The following RBFOX1 variants were observed in gnomAD, a reference collection of about 807,000 sequenced individuals.
The protein encoded by RBFOX1 is RNA binding fox-1 homolog 1.
In RBFOX1, 8 loss-of-function variants were observed where a neutral mutation model predicts 57.7. The ratio of observed to expected loss-of-function variants is 0.14; its 90% confidence interval spans 0.08 to 0.25. The LOEUF (loss-of-function observed/expected upper bound fraction) is 0.25. Ranked by LOEUF, RBFOX1 falls within the 10% of genes least tolerant of loss-of-function variation. The probability of loss-of-function intolerance (pLI) is 1.00; values close to 1 mark genes in which losing one functional copy is unlikely to be tolerated. For synonymous variants in RBFOX1, 326 were observed against 222.4 expected (o/e 1.47, Z -4.15); for missense variants, 611 against 548.5 (o/e 1.11, Z -1.14).
At chr16:5,721,843 G>T (rs1596962263) in intron 3 of RBFOX1, among the ~76,000 whole-genome samples, 1 of 152,208 alleles carries the variant, frequency 6.6e-6, no homozygotes, top group Admixed American at 6.5e-5. Flanking sequence ...GAGAATCTCA[G>T]TGCTAAACCG....
intron 3 of RBFOX1, among the ~76,000 whole-genome samples, chr16:6,948,916 G>C (rs946284877): frequency 2.0e-5 from 3 of 152,264 alleles, no homozygotes; most frequent in Admixed American, 6.5e-5. Flanking sequence ...ATGAGGAAGG[G>C]AGAGTGGGTT....
chr16:6,602,897 C>G (rs1352570453), intron 2 of RBFOX1, among the ~76,000 whole-genome samples: 1 of 152,194 alleles, frequency 6.6e-6, no homozygotes, highest in African/African-American at 2.4e-5. Flanking sequence ...GCTTAAGACT[C>G]TTTCCCAAAT....
At chr16:7,093,172 A>G (rs569433736) in intron 4 of RBFOX1, among the ~76,000 whole-genome samples, 2 of 152,330 alleles carry the variant, frequency 1.3e-5, no homozygotes, top group South Asian at 2.1e-4. Flanking sequence ...TTGACCTGGC[A>G]AGTTCATTCA....
chr16:6,798,414 C>G (rs1411239884), intron 3 of RBFOX1, among the ~76,000 whole-genome samples: 3 of 152,096 alleles, frequency 2.0e-5, no homozygotes, highest in African/African-American at 4.8e-5. Context: ...ACCAGGTGGT[C>G]CTGCTTAATA....
chr16:7,565,806 A>G (rs949430301), intron 5 of RBFOX1, among the ~76,000 whole-genome samples: 1 of 152,098 alleles, frequency 6.6e-6, no homozygotes, highest in Admixed American at 6.6e-5. Flanking sequence ...AGTTTTGTGC[A>G]TGGAGGGGAG....
intron 1 of RBFOX1, among the ~76,000 whole-genome samples, chr16:5,257,379 C>T (rs181416010): frequency 6.6e-6 from 1 of 152,308 alleles, no homozygotes; most frequent in Admixed American, 6.5e-5. Flanking sequence ...GTTTACCTCT[C>T]TGAGCTTCTG....
intron 2 of RBFOX1, among the ~76,000 whole-genome samples, chr16:6,438,992 G>A (rs914779490): frequency 2.0e-5 from 3 of 152,094 alleles, no homozygotes; most frequent in Non-Finnish European, 4.4e-5. Flanking sequence ...TTGAAGTTCT[G>A]CACCCTTAGA....
At chr16:5,637,534 A>G (rs1223100353) in intron 3 of RBFOX1, among the ~76,000 whole-genome samples, 1 of 152,230 alleles carries the variant, frequency 6.6e-6, no homozygotes, top group African/African-American at 2.4e-5. Flanking sequence ...CACCTAGACT[A>G]TTGAACACCT....
intron 1 of RBFOX1, among the ~76,000 whole-genome samples, chr16:6,034,381 T>C (rs1212550784): frequency 1.1e-5 from 1 of 91,384 alleles, no homozygotes; most frequent in Admixed American, 1.1e-4. Context: ...AAGAAAGGAA[T>C]AGAAGAGAAG....
At chr16:5,635,251 A>T (rs982645049) in intron 3 of RBFOX1, among the ~76,000 whole-genome samples, 1 of 152,194 alleles carries the variant, frequency 6.6e-6, no homozygotes, top group African/African-American at 2.4e-5. Flanking sequence ...CATTCTATTG[A>T]CCTCACTGAA....
At chr16:7,032,872 T>A (rs1017863269) in intron 3 of RBFOX1, among the ~76,000 whole-genome samples, 3 of 152,190 alleles carry the variant, frequency 2.0e-5, no homozygotes, top group Admixed American at 6.6e-5. Context: ...ACTTCCAGAT[T>A]CTCAAATTTC....
chr16:7,220,340 C>A (rs976288388), intron 4 of RBFOX1, among the ~76,000 whole-genome samples: 3 of 152,136 alleles, frequency 2.0e-5, no homozygotes, highest in African/African-American at 7.2e-5. Flanking sequence ...AACTTGGTGT[C>A]ATTCATGCAA....
chr16:6,670,794 G>A (rs1050008791), intron 3 of RBFOX1, among the ~76,000 whole-genome samples: 2 of 151,956 alleles, frequency 1.3e-5, no homozygotes, highest in African/African-American at 2.4e-5. Flanking sequence ...TCAGGAGATC[G>A]AGACCATCCT....
chr16:5,842,601 C>T (rs757600747), intron 3 of RBFOX1, among the ~76,000 whole-genome samples: 1 of 152,140 alleles, frequency 6.6e-6, no homozygotes, highest in South Asian at 2.1e-4. Flanking sequence ...ATGTCTGGCT[C>T]TGCTCTAGGT....
chr16:7,281,278 C>A (rs552631088), intron 4 of RBFOX1, among the ~76,000 whole-genome samples: 1 of 151,854 alleles, frequency 6.6e-6, no homozygotes, highest in East Asian at 2.0e-4. Context: ...GTTGGGACTA[C>A]AGGCGTGAGC....
At chr16:6,795,541 G>A (rs1056538039) in intron 3 of RBFOX1, among the ~76,000 whole-genome samples, 1 of 152,078 alleles carries the variant, frequency 6.6e-6, no homozygotes, top group Non-Finnish European at 1.5e-5. Flanking sequence ...GCCGAGGTGG[G>A]TGAATCACGA....
intron 1 of RBFOX1, among the ~76,000 whole-genome samples, chr16:6,254,345 T>C (rs926140323): frequency 9.2e-5 from 14 of 152,200 alleles, no homozygotes; most frequent in African/African-American, 3.4e-4. Context: ...TGATTGTTTT[T>C]ATCAAAATCA....
intron 4 of RBFOX1, among the ~76,000 whole-genome samples, chr16:7,156,491 ATGTG>A: frequency 6.6e-6 from 1 of 152,278 alleles, no homozygotes; most frequent in South Asian, 2.1e-4. Context: ...ATACACATCT[ATGTG>A]TGCATATACA....
chr16:6,772,786 A>G (rs200855034), intron 3 of RBFOX1, among the ~76,000 whole-genome samples: 1 of 131,908 alleles, frequency 7.6e-6, no homozygotes, highest in East Asian at 2.5e-4. Flanking sequence ...TGTGGGGTGC[A>G]TTTGTGTGCG....
Sources: allele counts gnomAD v4.1 joint callset (sites outside exome capture counted in the v4.1 genomes callset), GRCh38; gene constraint gnomAD v4.1.1; transcripts MANE v1.5; gene names NCBI Gene and HGNC (gene_info 2026-07-23, HGNC 2026-07-21).